The following MAD1L1 variants were observed in gnomAD, a reference collection of about 807,000 sequenced individuals.
The protein encoded by MAD1L1 is mitotic spindle assembly checkpoint protein MAD1.
In MAD1L1, 95 loss-of-function variants were observed where a neutral mutation model predicts 96.9. The ratio of observed to expected loss-of-function variants is 0.98; its 90% CI spans 0.83 to 1.16. MAD1L1 has a LOEUF of 1.16. Ranked by LOEUF, MAD1L1 falls within the 50% of genes most tolerant of loss-of-function variation. MAD1L1 has a pLI of 0.00. For synonymous variants in MAD1L1, 473 were observed against 396.6 expected, an observed-to-expected ratio of 1.19 and a Z score of -2.29; for missense variants, 1,007 against 954.4, an observed-to-expected ratio of 1.06 and a Z score of -0.73.
intron 17 of MAD1L1, among the ~76,000 whole-genome samples, chr7:1,924,638 A>C (rs1788993915): frequency 6.6e-6 from 1 of 152,258 alleles, no homozygotes; most frequent in Non-Finnish European, 1.5e-5. Flanking sequence ...CTGCCAAACC[A>C]GAAATGATCC....
intron 16 of MAD1L1, among the ~76,000 whole-genome samples, chr7:1,956,236 T>TC (rs770648991): frequency 5.9e-5 from 9 of 151,824 alleles, no homozygotes; most frequent in Non-Finnish European, 8.8e-5. Context: ...ACCCTGGACG[T>TC]CCCCCCACTA....
intron 10 of MAD1L1, among the ~76,000 whole-genome samples, chr7:2,160,092 C>G (rs570065323): frequency 1.3e-5 from 2 of 151,990 alleles, no homozygotes; most frequent in East Asian, 3.9e-4. Context: ...TTAGCCAGGC[C>G]TGGTGGGGAG....
chr7:1,849,078 G>GCACA (rs879477549), intron 18 of MAD1L1: 4 of 149,958 alleles, frequency 2.7e-5, no homozygotes, highest in Non-Finnish European at 4.4e-5. Context: ...ACACACAAAT[G>GCACA]CACATGCACG....
chr7:1,920,781 C>A (rs973099010), intron 17 of MAD1L1, among the ~76,000 whole-genome samples: 1 of 152,252 alleles, frequency 6.6e-6, no homozygotes, highest in African/African-American at 2.4e-5. Context: ...GTGGCCACTG[C>A]CCATTCTGGG....
At chr7:1,906,652 G>A (rs1192454221) in intron 17 of MAD1L1, among the ~76,000 whole-genome samples, 3 of 152,204 alleles carry the variant, frequency 2.0e-5, no homozygotes, top group South Asian at 2.1e-4. Context: ...GTTTCCCTGC[G>A]GCGCACCCTG....
At chr7:1,885,977 G>A (rs1243987350) in intron 18 of MAD1L1, among the ~76,000 whole-genome samples, 3 of 152,232 alleles carry the variant, frequency 2.0e-5, no homozygotes, top group Non-Finnish European at 2.9e-5. Flanking sequence ...CAGCAGCTCT[G>A]CCTCCTCTCC....
rs562511486 is a variant in MAD1L1, at chr7:1,855,215, G to A, written c.1999-38987C>T. Among the ~76,000 whole-genome samples the A allele has an allele frequency of 3.9e-3, 595 of 152,162 alleles. 4 individuals carry two copies. Among genetic ancestry groups the A allele is most frequent in the Non-Finnish European group, 6.1e-3 (415 of 68,002 alleles). ...TCCCTCCTCTTTGGTTCCAGCTGGC[G>A]GTGTCTCTGCCGCAGTGGCAGACGG... On this transcript the variant is annotated intron_variant, in intron 18 of 18. Coordinates refer to ENST00000265854, the MANE Select transcript of MAD1L1 (RefSeq NM_001013836.2).
intron 12 of MAD1L1, among the ~76,000 whole-genome samples, chr7:2,040,303 G>C (rs559249005): frequency 6.6e-6 from 1 of 152,292 alleles, no homozygotes; most frequent in South Asian, 2.1e-4. Context: ...CTCCATCTCA[G>C]CTCCTCCGGA....
chr7:2,153,785 A>C (rs186542957), intron 10 of MAD1L1, among the ~76,000 whole-genome samples: 42 of 152,398 alleles, frequency 2.8e-4, no homozygotes, highest in African/African-American at 9.1e-4. Flanking sequence ...ATACGGAATT[A>C]ACCTGTGTCT....
chr7:1,926,397 G>A (rs116900595), intron 17 of MAD1L1, among the ~76,000 whole-genome samples: 78 of 152,326 alleles, frequency 5.1e-4, no homozygotes, highest in East Asian at 4.4e-3. Context: ...CATTCATTAC[G>A]TGTATACTAC....
chr7:2,189,395 G>A (rs1791611897), intron 10 of MAD1L1, among the ~76,000 whole-genome samples: 2 of 152,210 alleles, frequency 1.3e-5, no homozygotes, highest in African/African-American at 4.8e-5. Flanking sequence ...CAACCTAAGT[G>A]TCCATCAACA....
intron 12 of MAD1L1, among the ~76,000 whole-genome samples, chr7:2,041,452 C>A: frequency 6.6e-6 from 1 of 152,206 alleles, no homozygotes; most frequent in East Asian, 1.9e-4. Flanking sequence ...CACATTCATG[C>A]TACCCAACCC....
intron 10 of MAD1L1, among the ~76,000 whole-genome samples, chr7:2,162,425 C>T (rs1381177582): frequency 6.6e-6 from 1 of 152,086 alleles, no homozygotes; most frequent in Non-Finnish European, 1.5e-5. Context: ...TCCCTAATCT[C>T]AAGTACCCAG....
chr7:2,029,483 T>G (rs1445455149), intron 12 of MAD1L1, among the ~76,000 whole-genome samples: 1 of 152,218 alleles, frequency 6.6e-6, no homozygotes, highest in Non-Finnish European at 1.5e-5. Flanking sequence ...ATGGATGGAC[T>G]GATTTCATCA....
intron 12 of MAD1L1, among the ~76,000 whole-genome samples, chr7:2,019,521 C>T (rs1233947289): frequency 6.6e-6 from 1 of 152,240 alleles, no homozygotes; most frequent in Non-Finnish European, 1.5e-5. Flanking sequence ...GGCACGAATG[C>T]CCCAAAGAGT....
intron 11 of MAD1L1, among the ~76,000 whole-genome samples, chr7:2,144,090 A>G (rs1336197854): frequency 1.3e-5 from 2 of 152,218 alleles, no homozygotes; most frequent in East Asian, 3.9e-4. Context: ...AGCCACCTGC[A>G]AACACATCCC....
chr7:2,020,257 G>A (rs568920227), intron 12 of MAD1L1, among the ~76,000 whole-genome samples: 110 of 152,292 alleles, frequency 7.2e-4, no homozygotes, highest in African/African-American at 2.6e-3. Flanking sequence ...CCATGATCGG[G>A]GGGGGCACTA....
chr7:1,847,631 C>T (rs1004438499), intron 18 of MAD1L1: 4 of 470,642 alleles, frequency 8.5e-6, no homozygotes, highest in African/African-American at 8.0e-5. Context: ...CAGGCCTCGC[C>T]CCCTCCAGCA....
rs1225181929 is a variant in MAD1L1 at position 2,230,076 on chromosome 7, A to C, written c.58T>G (p.Phe20Val). Residue 20 changes from phenylalanine to valine, a missense_variant, in exon 3 of 19, where the codon TTC becomes GTC. Transcript: ENST00000265854. ...VLSTLRSLNN[F>V]ISQRVEGGSG... ...CCTCCCTCCACACGCTGAGAGATGA[A>C]GTTGTTCAAAGATCTCAGGGTGGAT... 6.2e-7 allele frequency: 1 copy of C among 1,612,216 alleles called. No individual in the cohort carries two copies. Among genetic ancestry groups the C allele is most frequent in the African/African-American group, 1.3e-5 (1 of 75,046 alleles).
Sources: allele counts gnomAD v4.1 joint callset (sites outside exome capture counted in the v4.1 genomes callset), GRCh38; gene constraint gnomAD v4.1.1; transcripts MANE v1.5; gene names NCBI Gene and HGNC (gene_info 2026-07-23, HGNC 2026-07-21).